VANGL1: variants seen among roughly 807,000 people sequenced by gnomAD.
VANGL1 encodes vang-like protein 1.
VANGL1 carries 18 observed loss-of-function variants against 48.4 expected under a neutral mutation model. The observed-to-expected ratio is 0.37, with a 90% CI of 0.26 to 0.55. The LOEUF is 0.55. VANGL1 is among the 20% of genes least tolerant of loss of function. The pLI is 0.81. For missense variants in VANGL1, 667 were observed against 675.8 expected (o/e 0.99, Z 0.14); for synonymous variants, 257 against 261.8 (o/e 0.98, Z 0.18).
chr1:115,692,506 T>TA lies in VANGL1; in HGVS notation c.*1128dup, dbSNP rs1653879259. The TA allele has an allele frequency of 6.5e-6, 1 of 152,734 alleles. No homozygotes were observed. Among genetic ancestry groups the TA allele is most frequent in the East Asian group, 1.9e-4 (1 of 5,204 alleles). 9.5% of individuals were successfully genotyped at this position (152,734 alleles called of 1,614,324 possible). ...TGTGCAACTCATCGCCTCTGCCACT[T>TA]AGGACCAGGAAAGAGGCTGGTTTTG... On this transcript the variant is annotated 3_prime_UTR_variant, in exon 8 of 8. Transcript: ENST00000355485.
At chr1:115,668,687 T>A (rs546510688) in intron 4 of VANGL1, among the ~76,000 whole-genome samples, 14 of 152,316 alleles carry the variant, frequency 9.2e-5, no homozygotes, top group African/African-American at 3.4e-4. Flanking sequence ...TATACTCACA[T>A]GGTGAGTCAG....
chr1:115,656,900 G>C (rs961337019), intron 2 of VANGL1, among the ~76,000 whole-genome samples: 7 of 152,230 alleles, frequency 4.6e-5, no homozygotes, highest in African/African-American at 1.7e-4. Context: ...CTAGTGAATA[G>C]ATAGATGGGT....
At chr1:115,675,356 C>T (rs1009890931) in intron 4 of VANGL1, among the ~76,000 whole-genome samples, 10 of 152,234 alleles carry the variant, frequency 6.6e-5, no homozygotes, top group Admixed American at 6.5e-4. Context: ...AAAAAATGAG[C>T]CAGGCGTGGT....
At chr1:115,651,244 A>T (rs868067084) in intron 1 of VANGL1, 33 bp from the exon 2 acceptor site, 7 of 634,002 alleles carry the variant, frequency 1.1e-5, no homozygotes, top group Non-Finnish European at 1.9e-5. Flanking sequence ...GGCTCTGAAG[A>T]TTAATGTCTT....
chr1:115,667,230 A>G (rs1302943436), intron 4 of VANGL1, among the ~76,000 whole-genome samples: 6 of 152,162 alleles, frequency 3.9e-5, no homozygotes, highest in Non-Finnish European at 7.4e-5. Flanking sequence ...TGACTGAGCT[A>G]TTTTTGAGAG....
intron 4 of VANGL1, among the ~76,000 whole-genome samples, chr1:115,679,078 G>T (rs946033708): frequency 2.0e-5 from 3 of 152,068 alleles, no homozygotes; most frequent in Non-Finnish European, 4.4e-5. Context: ...CCCTAATACT[G>T]CCAGGTATGC....
intron 7 of VANGL1, among the ~76,000 whole-genome samples, chr1:115,690,404 A>G (rs1172559092): frequency 6.6e-6 from 1 of 152,248 alleles, no homozygotes; most frequent in Non-Finnish European, 1.5e-5. Flanking sequence ...GCCAGGTGCC[A>G]CTGGAGCAGA....
At chr1:115,660,077 A>G (rs1652490736) in intron 3 of VANGL1, among the ~76,000 whole-genome samples, 1 of 152,164 alleles carries the variant, frequency 6.6e-6, no homozygotes, top group South Asian at 2.1e-4. Flanking sequence ...TCAAAATGGA[A>G]CAGTATAAGG....
At chr1:115,666,886 C>T (rs1652812044) in intron 4 of VANGL1, among the ~76,000 whole-genome samples, 1 of 152,222 alleles carries the variant, frequency 6.6e-6, no homozygotes, top group Non-Finnish European at 1.5e-5. Flanking sequence ...AGGCTTGGCA[C>T]CTTTCCTCCT....
intron 1 of VANGL1, among the ~76,000 whole-genome samples, chr1:115,646,493 CTTTTTT>C (rs34575210): frequency 3.1e-5 from 4 of 128,698 alleles, no homozygotes; most frequent in Non-Finnish European, 4.9e-5. Context: ...AGTAGTATAG[CTTTTTT>C]TTTTTTTTTT....
intron 4 of VANGL1, among the ~76,000 whole-genome samples, chr1:115,671,634 G>GT (rs1483252574): frequency 6.6e-6 from 1 of 152,208 alleles, no homozygotes; most frequent in African/African-American, 2.4e-5. Flanking sequence ...ATTCATCACT[G>GT]TAATTTAAGA....
At chr1:115,668,339 A>G (rs918660031) in intron 4 of VANGL1, among the ~76,000 whole-genome samples, 8 of 152,212 alleles carry the variant, frequency 5.3e-5, no homozygotes, top group Non-Finnish European at 1.2e-4. Flanking sequence ...TTCACTTAAC[A>G]CAGAGCTTAG....
At chr1:115,671,735 C>T (rs531727091) in intron 4 of VANGL1, among the ~76,000 whole-genome samples, 3 of 152,222 alleles carry the variant, frequency 2.0e-5, no homozygotes, top group East Asian at 1.9e-4. Flanking sequence ...AGGTTTGTGC[C>T]GCGGCCTACA....
intron 1 of VANGL1, among the ~76,000 whole-genome samples, chr1:115,647,751 A>G (rs969869332): frequency 7.2e-5 from 11 of 152,204 alleles, no homozygotes; most frequent in African/African-American, 2.7e-4. Flanking sequence ...TGAAGGTGGC[A>G]CAGGGTTAGA....
intron 1 of VANGL1, among the ~76,000 whole-genome samples, chr1:115,642,913 G>A (rs1557759154): frequency 1.1e-4 from 16 of 152,234 alleles, no homozygotes. Flanking sequence ...CGCGTCCGTG[G>A]TGGCGGCAGC....
intron 3 of VANGL1, among the ~76,000 whole-genome samples, chr1:115,660,949 G>C (rs1652523963): frequency 6.6e-6 from 1 of 152,144 alleles, no homozygotes; most frequent in African/African-American, 2.4e-5. Flanking sequence ...TCACCCTGGA[G>C]TACTTGAAGG....
rs1557775298 is a variant in VANGL1, at chr1:115,684,006, GA to G, written c.1010del (p.Asp337AlafsTer18). ...GATTGCTGCAGCTGCTCGGCGCAGG[GA>G]CTCAAGCCACAACGAGTTGTATTAT... ...AMIAAAARRR[D>X]SSHNELYYEE... On this transcript the variant is annotated frameshift_variant, in exon 6 of 8. Coordinates refer to ENST00000355485, the MANE Select transcript of VANGL1 (RefSeq NM_138959.3). LOFTEE classifies it high-confidence loss of function. 6.2e-7 allele frequency: 1 copy of G among 1,614,114 alleles called. No individual in the cohort carries two copies. The highest frequency in any genetic ancestry group is 1.7e-5 in the Admixed American group (1 of 60,032).
chr1:115,659,771 C>G lies in VANGL1; in HGVS notation c.202C>G (p.Gln68Glu), dbSNP rs763849650. 8 of 1,614,028 alleles carry G rather than the reference C, an allele frequency of 5.0e-6. No homozygotes were observed. The African/African-American group carries it at 9.3e-5, about 19-fold the overall frequency. Reference protein sequence around the residue: ...GNDSTRTEEVQDDNWGETTTA... With the variant: ...GNDSTRTEEVEDDNWGETTTA... ...TGATTCTACTCGGACAGAGGAAGTT[C>G]AGGTAAGGATCAAAGGTGGTCTGTA... is the stretch of plus-strand genomic sequence containing the variant. Residue 68 changes from glutamine to glutamate, a missense_variant and splice_region_variant, in exon 3 of 8, where the codon CAG becomes GAG. Physicochemically the swap from Gln to Glu is conservative, Grantham distance 29. Transcript: ENST00000355485.
rs3811012 is a variant in VANGL1, at chr1:115,691,692, A to T, written c.*313A>T. On this transcript the variant is annotated 3_prime_UTR_variant, in exon 8 of 8. Coordinates refer to ENST00000355485, the MANE Select transcript of VANGL1 (RefSeq NM_138959.3). ...TCTTGGGAGCCTCGCCTTACAACTAATTCCTGCCTTTCGTCCAGTACCAAG... is the reference window on the plus strand; with the variant it reads ...TCTTGGGAGCCTCGCCTTACAACTATTTCCTGCCTTTCGTCCAGTACCAAG... 4 of 299,568 alleles carry T rather than the reference A, an allele frequency of 1.3e-5. No individual in the cohort carries two copies. Among genetic ancestry groups the T allele is most frequent in the Middle Eastern group, 1.1e-3 (1 of 918 alleles). The allele number at this position is 299,568 out of a possible 1,614,324, so 18.6% of individuals were successfully genotyped here.
Sources: gnomAD v4.1 joint callset for allele counts (sites outside exome capture counted in the v4.1 genomes callset) on GRCh38, gnomAD v4.1.1 for gene constraint, MANE v1.5 for transcripts, NCBI Gene and HGNC (gene_info 2026-07-23, HGNC 2026-07-21) for gene names.